PDE1A: variants seen among roughly 807,000 people sequenced by gnomAD.
PDE1A encodes phosphodiesterase 1A.
A neutral mutation model predicts 61.7 loss-of-function variants in PDE1A; 35 were observed. The ratio of observed to expected loss-of-function variants is 0.57; its 90% CI spans 0.43 to 0.75. The LOEUF (loss-of-function observed/expected upper bound fraction) is 0.75, where lower values mean the gene tolerates loss of function less well. Among genes scored for constraint, PDE1A ranks in the 30% least tolerant of loss-of-function variants. PDE1A has a pLI of 0.00. For synonymous variants in PDE1A, 232 were observed against 213.2 expected (o/e 1.09, Z -0.77); for missense variants, 597 against 630.6 (o/e 0.95, Z 0.57).
chr2:182,560,076 T>C, the PDE1A span, among the ~76,000 whole-genome samples: 1,289 of 151,190 alleles, frequency 8.5e-3, 10 homozygotes, highest in Middle Eastern at 0.027. Flanking sequence ...TTTTTTTTTT[T>C]TTATACTTTA....
chr2:182,207,210 CA>C (rs907342147), intron 7 of PDE1A, among the ~76,000 whole-genome samples: 16 of 152,144 alleles, frequency 1.1e-4, no homozygotes, highest in African/African-American at 3.9e-4. Context: ...TGGCTGTGAC[CA>C]AAATACTGAT....
chr2:182,457,424 A>C (rs917975917), intron 2 of PDE1A, among the ~76,000 whole-genome samples: 5 of 152,074 alleles, frequency 3.3e-5, no homozygotes, highest in Non-Finnish European at 5.9e-5. Context: ...GCCTGTAAAC[A>C]ATAAAATCTG....
intron 1 of PDE1A, among the ~76,000 whole-genome samples, chr2:182,381,838 T>A (rs1308627044): frequency 1.3e-5 from 2 of 151,318 alleles, no homozygotes; most frequent in Non-Finnish European, 2.9e-5. Flanking sequence ...TAATAATAAT[T>A]ATATTAACTG....
intron 1 of PDE1A, among the ~76,000 whole-genome samples, chr2:182,389,958 C>A (rs567600661): frequency 1.3e-5 from 2 of 152,202 alleles, no homozygotes; most frequent in African/African-American, 2.4e-5. Flanking sequence ...GGGCGGTTTG[C>A]GAGGGGCTCT....
chr2:182,316,305 T>C (rs1222468213), intron 1 of PDE1A, among the ~76,000 whole-genome samples: 1 of 152,212 alleles, frequency 6.6e-6, no homozygotes, highest in Non-Finnish European at 1.5e-5. Context: ...TATTAAATTA[T>C]ACGTTTAAAC....
At chr2:182,678,016 T>G in the PDE1A span, among the ~76,000 whole-genome samples, 2 of 152,088 alleles carry the variant, frequency 1.3e-5, no homozygotes, top group African/African-American at 4.8e-5. Flanking sequence ...CAGGAGCATA[T>G]AATAAGGAAA....
At chr2:182,648,160 G>T in the PDE1A span, among the ~76,000 whole-genome samples, 1 of 152,156 alleles carries the variant, frequency 6.6e-6, no homozygotes, top group Non-Finnish European at 1.5e-5. Flanking sequence ...CATATAACAA[G>T]TGCCTCACGT....
downstream of PDE1A, among the ~76,000 whole-genome samples, chr2:182,167,341 C>T (rs117780378): frequency 3.6e-4 from 55 of 152,264 alleles, no homozygotes; most frequent in East Asian, 8.7e-3. Context: ...CTAAAGATCT[C>T]AAGCCAGTTT....
chr2:182,307,237 C>A (rs1002830286), intron 1 of PDE1A, among the ~76,000 whole-genome samples: 4 of 152,120 alleles, frequency 2.6e-5, no homozygotes, highest in African/African-American at 9.7e-5. Flanking sequence ...TCTGTCTCCT[C>A]CCAAAGTCAT....
chr2:182,563,627 C>T, the PDE1A span, among the ~76,000 whole-genome samples: 5 of 152,050 alleles, frequency 3.3e-5, no homozygotes, highest in East Asian at 3.9e-4. Flanking sequence ...CTTTCTGTCT[C>T]GTTGATCTGT....
At chr2:182,168,004 T>G (rs550946844) in exon 14 of PDE1A, 1 of 1,218,244 alleles carries the variant, frequency 8.2e-7, no homozygotes, top group South Asian at 4.2e-5. Flanking sequence ...GAAACAGATA[T>G]CTGAAAGCAC....
chr2:182,230,938 C>G, intron 5 of PDE1A, 77 bp downstream of exon 5: 1 of 743,394 alleles, frequency 1.3e-6, no homozygotes, highest in Non-Finnish European at 2.3e-6. Flanking sequence ...TGCTTAATTA[C>G]TCAAATGTTC....
At chr2:182,504,862 A>C (rs1689299682) in intron 2 of PDE1A, among the ~76,000 whole-genome samples, 1 of 152,236 alleles carries the variant, frequency 6.6e-6, no homozygotes, top group African/African-American at 2.4e-5. Flanking sequence ...TAAAAATGAA[A>C]CTTGAGAAAT....
intron 2 of PDE1A, among the ~76,000 whole-genome samples, chr2:182,512,390 C>T (rs528996151): frequency 7.2e-5 from 11 of 152,244 alleles, no homozygotes; most frequent in Admixed American, 5.9e-4. Flanking sequence ...TCAACTCAAC[C>T]CAACTTATAC....
the PDE1A span, among the ~76,000 whole-genome samples, chr2:182,572,865 T>C: frequency 8.2e-6 from 1 of 121,572 alleles, no homozygotes; most frequent in African/African-American, 3.7e-5. Context: ...CGAGACTCTG[T>C]CTCAAAAAAA....
chr2:182,262,655 A>G (rs1348888023), intron 2 of PDE1A, among the ~76,000 whole-genome samples: 3 of 152,236 alleles, frequency 2.0e-5, no homozygotes, highest in Non-Finnish European at 4.4e-5. Context: ...CGCTTGTGCA[A>G]CAAAGCTCTC....
intron 1 of PDE1A, among the ~76,000 whole-genome samples, chr2:182,401,416 A>G (rs773865132): frequency 9.9e-5 from 15 of 152,210 alleles, no homozygotes; most frequent in Non-Finnish European, 2.1e-4. Context: ...ACCAATGACA[A>G]AAAACATATG....
chr2:182,611,593 C>A, the PDE1A span, among the ~76,000 whole-genome samples: 1 of 152,104 alleles, frequency 6.6e-6, no homozygotes, highest in African/African-American at 2.4e-5. Context: ...CAATTTTAAC[C>A]TTCTGCCTTA....
the PDE1A span, among the ~76,000 whole-genome samples, chr2:182,625,031 T>C: frequency 6.6e-6 from 1 of 152,086 alleles, no homozygotes; most frequent in Non-Finnish European, 1.5e-5. Flanking sequence ...ATTAGATAGA[T>C]TTAGATGAGA....
Sources: gnomAD v4.1 joint callset for allele counts (sites outside exome capture counted in the v4.1 genomes callset) on GRCh38, gnomAD v4.1.1 for gene constraint, MANE v1.5 for transcripts, NCBI Gene and HGNC (gene_info 2026-07-23, HGNC 2026-07-21) for gene names.